Variants in DTL observed in about 807,000 individuals in gnomAD.
DTL encodes the protein denticleless E3 ubiquitin protein ligase adapter.
DTL carries 46 observed loss-of-function variants against 87.0 expected under a neutral mutation model. The ratio of observed to expected loss-of-function variants is 0.53; its 90% confidence interval spans 0.42 to 0.68. DTL has a LOEUF of 0.68. Ranked by LOEUF, DTL falls within the 30% of genes least tolerant of loss-of-function variation. The pLI is 0.00. For missense variants in DTL, 737 were observed against 869.4 expected (o/e 0.85, Z 1.91); for synonymous variants, 308 against 311.2 (o/e 0.99, Z 0.11).
rs1274751640 is a variant in DTL at position 212,072,228 on chromosome 1, T to G, written c.1035+15T>G. 6.3e-7 allele frequency: 1 copy of G among 1,579,990 alleles called. No homozygotes were observed. The highest frequency in any genetic ancestry group is 1.3e-5 in the African/African-American group (1 of 74,190). ...ACATATGGAAGGTAAGTTGCTAAACTTCACCCACAAGTGTTAGACTGAAGT... is the reference window on the plus strand; with the variant it reads ...ACATATGGAAGGTAAGTTGCTAAACGTCACCCACAAGTGTTAGACTGAAGT... On this transcript the variant is annotated intron_variant, in intron 11 of 14. Transcript: ENST00000366991.
chr1:212,087,331 G>A (rs1039892350), intron 13 of DTL, among the ~76,000 whole-genome samples: 37 of 152,156 alleles, frequency 2.4e-4, no homozygotes, highest in African/African-American at 7.9e-4. Context: ...GGTGGATCAC[G>A]AGGTCAGGAG....
In DTL at chr1:212,064,998, A is replaced by C; in HGVS notation, c.608A>C (p.Lys203Thr). The C allele has an allele frequency of 6.2e-7, 1 of 1,614,080 alleles. No individual in the cohort carries two copies. The highest frequency in any genetic ancestry group is 8.5e-7 in the Non-Finnish European group (1 of 1,179,962). Residue 203 changes from lysine to threonine, a missense_variant, in exon 7 of 15, where the codon AAA (lysine) becomes ACA (threonine). Coordinates refer to ENST00000366991, the MANE Select transcript of DTL (RefSeq NM_016448.4). Reference sequence around the variant, plus strand: ...CAAACCCCTTCAAAACCCAAGAAGAAACAGAATTCAAAAGGACTTGCTCCT... The same window carrying C: ...CAAACCCCTTCAAAACCCAAGAAGACACAGAATTCAAAAGGACTTGCTCCT... ...DKQTPSKPKK[K>T]QNSKGLAPSV... is the part of the protein sequence containing the mutation.
intron 13 of DTL, among the ~76,000 whole-genome samples, chr1:212,090,688 G>A (rs1251715524): frequency 6.6e-6 from 1 of 152,204 alleles, no homozygotes; most frequent in Non-Finnish European, 1.5e-5. Flanking sequence ...AGTTTGATTT[G>A]ATTTACAGAG....
Position 212,062,864 on chromosome 1 carries a change from A to G in DTL, c.461-20A>G, listed in dbSNP as rs978249254. 6.2e-7 allele frequency: 1 copy of G among 1,606,702 alleles called. No homozygotes were observed. The highest frequency in any genetic ancestry group is 8.5e-7 in the Non-Finnish European group (1 of 1,173,580). On this transcript the variant is annotated intron_variant, in intron 5 of 14. Transcript: ENST00000366991. ...GACTGGTTTTGTTAACCTCTTAATA[A>G]TCTGTTTATTTCCCCACAGCTGTAT...
chr1:212,049,245 C>T (rs541672602), intron 5 of DTL, among the ~76,000 whole-genome samples: 1 of 152,132 alleles, frequency 6.6e-6, no homozygotes, highest in South Asian at 2.1e-4. Context: ...TTAAGAAAGT[C>T]GGTTTTAATT....
In DTL at chr1:212,047,365, C is replaced by G. The variant is rs765414720; in HGVS notation, c.408C>G (p.Cys136Trp). The change falls in exon 5 of 15, where the codon TGC becomes TGG. Residue 136 changes from cysteine (C) to tryptophan (W), a missense_variant. Transcript: ENST00000366991. The stretch of plus-strand genomic sequence containing the variant: ...AAGCTGGTGAGCTGATTGGAACATG[C>G]AAAGGTCATCAATGCAGCCTCAAGT... ...DVKAGELIGT[C>W]KGHQCSLKSV... 1 of 1,614,190 alleles carries G rather than the reference C, an allele frequency of 6.2e-7. No individual in the cohort carries two copies. Among genetic ancestry groups the G allele is most frequent in the Non-Finnish European group, 8.5e-7 (1 of 1,180,032 alleles).
chr1:212,102,759 C>A, intron 14 of DTL, 83 bp from the exon 15 acceptor site: 1 of 927,846 alleles, frequency 1.1e-6, no homozygotes, highest in Non-Finnish European at 1.7e-6. Flanking sequence ...TTCTGGCAGC[C>A]TAATTTAAGG....
intron 2 of DTL, among the ~76,000 whole-genome samples, chr1:212,043,537 C>T (rs1329136866): frequency 3.9e-5 from 6 of 152,084 alleles, no homozygotes; most frequent in South Asian, 4.2e-4. Flanking sequence ...CACTTTAGGA[C>T]GCCAAGGTAG....
intron 13 of DTL, 69 bp from the exon 14 acceptor site, chr1:212,100,183 C>A: frequency 1.6e-6 from 2 of 1,251,486 alleles, no homozygotes; most frequent in Non-Finnish European, 2.2e-6. Context: ...TATGATTTTT[C>A]TTGATGAGAA....
At chr1:212,057,843 AC>A (rs572840236) in intron 5 of DTL, among the ~76,000 whole-genome samples, 182 of 152,300 alleles carry the variant, frequency 1.2e-3, no homozygotes, top group African/African-American at 4.2e-3. Flanking sequence ...AACGCATCTC[AC>A]CTGTGAAGAC....
At chr1:212,076,501 A>T in intron 11 of DTL, among the ~76,000 whole-genome samples, 1 of 152,138 alleles carries the variant, frequency 6.6e-6, no homozygotes, top group East Asian at 1.9e-4. Flanking sequence ...GTACACATTT[A>T]GGTTCTCCTA....
At chr1:212,042,091 G>T (rs1667669148) in intron 1 of DTL, among the ~76,000 whole-genome samples, 1 of 152,196 alleles carries the variant, frequency 6.6e-6, no homozygotes, top group South Asian at 2.1e-4. Flanking sequence ...TCAATAGATT[G>T]TAAACTCAGT....
chr1:212,077,501 T>A (rs570042789), intron 11 of DTL: 1 of 152,570 alleles, frequency 6.6e-6, no homozygotes, highest in South Asian at 2.1e-4. Flanking sequence ...AAAAAATGTT[T>A]TTCAGAAAGG....
At chr1:212,059,788 A>C (rs1057057956) in intron 5 of DTL, among the ~76,000 whole-genome samples, 1 of 49,504 alleles carries the variant, frequency 2.0e-5, no homozygotes. Context: ...ACAAAAAAAA[A>C]AAAAAAAAAA....
At position 212,051,973 on chromosome 1, in the gene DTL, G is replaced by A. The variant is rs562467354; in HGVS notation, c.460+4556G>A. 74 of 849,764 alleles carry A rather than the reference G, an allele frequency of 8.7e-5. 2 individuals carry two copies. Among genetic ancestry groups the A allele is most frequent in the South Asian group, 8.3e-4 (61 of 73,908 alleles). 52.6% of individuals were successfully genotyped at this position (849,764 alleles called of 1,614,324 possible). ...CTAAAAGGCCTAGAGAACATATATC[G>A]GGTGCCTCTCCTCTTTCCCTTTGTG... is the stretch of plus-strand genomic sequence containing the variant. On this transcript the variant is annotated intron_variant, in intron 5 of 14. Coordinates refer to ENST00000366991, the MANE Select transcript of DTL (RefSeq NM_016448.4).
At chr1:212,040,933 G>T (rs1316638520) in intron 1 of DTL, among the ~76,000 whole-genome samples, 2 of 152,166 alleles carry the variant, frequency 1.3e-5, no homozygotes, top group Non-Finnish European at 2.9e-5. Flanking sequence ...TTGACTATAG[G>T]CAACTGAAAC....
intron 12 of DTL, among the ~76,000 whole-genome samples, chr1:212,079,370 T>C (rs889590675): frequency 6.6e-6 from 1 of 152,134 alleles, no homozygotes; most frequent in African/African-American, 2.4e-5. Context: ...CATCATATAT[T>C]AATTATCCTT....
chr1:212,083,143 C>G (rs1042405137), intron 13 of DTL, among the ~76,000 whole-genome samples: 7 of 152,150 alleles, frequency 4.6e-5, no homozygotes, highest in African/African-American at 1.7e-4. Context: ...TTCCACATGA[C>G]TGGAAAGGCC....
chr1:212,035,955 C>T lies in DTL; in HGVS notation c.52+13C>T. ...GTCCTGAGAAATGGTGAGTAACGGT[C>T]CCAACCGCTGCTCGGAGCTGGCGGA... On this transcript the variant is annotated intron_variant, in intron 1 of 14. Coordinates refer to ENST00000366991, the MANE Select transcript of DTL (RefSeq NM_016448.4). 6.2e-7 allele frequency: 1 copy of T among 1,613,516 alleles called. No homozygotes were observed. Among genetic ancestry groups the T allele is most frequent in the Non-Finnish European group, 8.5e-7 (1 of 1,179,458 alleles).
Sources: gnomAD v4.1 joint callset for allele counts (sites outside exome capture counted in the v4.1 genomes callset) on GRCh38, gnomAD v4.1.1 for gene constraint, MANE v1.5 for transcripts, NCBI Gene and HGNC (gene_info 2026-07-23, HGNC 2026-07-21) for gene names.